FARS2: variants seen among roughly 807,000 people sequenced by gnomAD.
FARS2 encodes phenylalanyl-tRNA synthetase 2, mitochondrial, also known as phenylalanine--tRNA ligase, mitochondrial.
A neutral mutation model predicts 46.4 loss-of-function variants in FARS2; 40 were observed. The ratio of observed to expected loss-of-function variants is 0.86; its 90% confidence interval spans 0.67 to 1.12. The LOEUF is 1.12. Among genes scored for constraint, FARS2 ranks in the 50% most tolerant of loss-of-function variants. The pLI, the probability that FARS2 is intolerant of heterozygous loss-of-function variation, is 0.00. For synonymous variants in FARS2, 234 were observed against 214.9 expected, an observed-to-expected ratio of 1.09 and a Z score of -0.78; for missense variants, 513 against 567.9, an observed-to-expected ratio of 0.90 and a Z score of 0.98.
intron 1 of FARS2, among the ~76,000 whole-genome samples, chr6:5,265,125 G>A (rs961718998): frequency 1.3e-5 from 2 of 152,124 alleles, no homozygotes; most frequent in Admixed American, 1.3e-4. Context: ...CAGTTGCTGC[G>A]ATATGAGTAA....
intron 6 of FARS2, among the ~76,000 whole-genome samples, chr6:5,749,871 T>A (rs1761846163): frequency 6.6e-6 from 1 of 152,142 alleles, no homozygotes; most frequent in Non-Finnish European, 1.5e-5. Flanking sequence ...GTGTGCTGCC[T>A]CCACTCACGG....
intron 6 of FARS2, among the ~76,000 whole-genome samples, chr6:5,705,363 T>C (rs1202272038): frequency 6.6e-6 from 1 of 152,102 alleles, no homozygotes; most frequent in Non-Finnish European, 1.5e-5. Flanking sequence ...AGTGGCAGCG[T>C]GGAGGCCATG....
At chr6:5,426,041 T>C (rs1175367776) in intron 3 of FARS2, among the ~76,000 whole-genome samples, 1 of 152,158 alleles carries the variant, frequency 6.6e-6, no homozygotes, top group Non-Finnish European at 1.5e-5. Flanking sequence ...TCCTAAAGTA[T>C]ACTTTCTTTT....
intron 1 of FARS2, among the ~76,000 whole-genome samples, chr6:5,339,563 A>G (rs1181037985): frequency 6.6e-6 from 1 of 151,986 alleles, no homozygotes; most frequent in African/African-American, 2.4e-5. Flanking sequence ...AGTAGCTGGG[A>G]CCACAGGTGC....
At chr6:5,606,985 C>T (rs1444271507) in intron 5 of FARS2, among the ~76,000 whole-genome samples, 1 of 152,128 alleles carries the variant, frequency 6.6e-6, no homozygotes, top group Non-Finnish European at 1.5e-5. Context: ...AACCATCTTC[C>T]AGTGCTATTT....
At chr6:5,615,955 A>G (rs1305711763) in intron 6 of FARS2, among the ~76,000 whole-genome samples, 1 of 147,290 alleles carries the variant, frequency 6.8e-6, no homozygotes, top group East Asian at 2.1e-4. Flanking sequence ...TGCTTACTCC[A>G]TTATCAACAC....
intron 5 of FARS2, among the ~76,000 whole-genome samples, chr6:5,592,752 GT>G (rs1272845620): frequency 6.6e-6 from 1 of 152,214 alleles, no homozygotes; most frequent in Non-Finnish European, 1.5e-5. Context: ...ACCCTGCTTT[GT>G]CTCCCCTCGC....
chr6:5,419,343 A>G (rs1762414837), intron 3 of FARS2, among the ~76,000 whole-genome samples: 1 of 152,208 alleles, frequency 6.6e-6, no homozygotes, highest in Non-Finnish European at 1.5e-5. Context: ...TTGTTTCATA[A>G]AAATAATCTC....
intron 6 of FARS2, among the ~76,000 whole-genome samples, chr6:5,678,296 A>G (rs1490711502): frequency 6.6e-6 from 1 of 152,176 alleles, no homozygotes; most frequent in South Asian, 2.1e-4. Context: ...GCAGATGTCC[A>G]TGTTTTAAGG....
chr6:5,479,362 C>T (rs1161673360), intron 4 of FARS2, among the ~76,000 whole-genome samples: 2 of 152,132 alleles, frequency 1.3e-5, no homozygotes, highest in South Asian at 2.1e-4. Flanking sequence ...GTGGGAGAGG[C>T]AACATGACAT....
intron 1 of FARS2, among the ~76,000 whole-genome samples, chr6:5,316,296 T>G (rs1461253913): frequency 2.0e-5 from 3 of 152,212 alleles, no homozygotes; most frequent in African/African-American, 7.2e-5. Flanking sequence ...ACAAGGTATT[T>G]GAAACAAACA....
At chr6:5,300,457 G>T (rs1388549527) in intron 1 of FARS2, among the ~76,000 whole-genome samples, 1 of 152,068 alleles carries the variant, frequency 6.6e-6, no homozygotes, top group Non-Finnish European at 1.5e-5. Flanking sequence ...ATTTGGGTTT[G>T]ATATGGCATT....
intron 6 of FARS2, among the ~76,000 whole-genome samples, chr6:5,627,040 G>A (rs1241939980): frequency 6.6e-6 from 1 of 152,332 alleles, no homozygotes; most frequent in African/African-American, 2.4e-5. Context: ...CAGCGTAGTA[G>A]GTTTGTTCAC....
At chr6:5,761,925 C>G (rs997457043) in intron 6 of FARS2, among the ~76,000 whole-genome samples, 1 of 151,972 alleles carries the variant, frequency 6.6e-6, no homozygotes, top group East Asian at 1.9e-4. Context: ...TCACATGAGA[C>G]TCATTGCAGC....
Position 5,329,700 on chromosome 6 carries a change from G to A in FARS2, c.-21-38850G>A, listed in dbSNP as rs80150139. Among the ~76,000 whole-genome samples the A allele has an allele frequency of 2.4e-3, 366 of 152,274 alleles. 8 individuals carry two copies. In the East Asian group the frequency reaches 0.041, roughly 17 times the overall value. On this transcript the variant is annotated intron_variant, in intron 1 of 6. Transcript: ENST00000274680. ...TTGCTAGAAGGTTTCCCAGAACTCA[G>A]GAAAGCATCGTACTTACTATTAACA...
chr6:5,546,140 A>G (rs535624835), intron 5 of FARS2, among the ~76,000 whole-genome samples: 1 of 152,310 alleles, frequency 6.6e-6, no homozygotes, highest in South Asian at 2.1e-4. Context: ...AAAAAAAAGA[A>G]GTTCCTAAAT....
rs373839986 is a variant in FARS2 at position 5,422,178 on chromosome 6, C to G, written c.773-8863C>G. Among the ~76,000 whole-genome samples, 32 of 152,258 alleles carry G rather than the reference C, an allele frequency of 2.1e-4. No individual in the cohort carries two copies. The East Asian group carries it at 4.8e-3, about 23-fold the overall frequency. Reference sequence around the variant, plus strand: ...GCAGGGAAACTCCTGTTTTTAAACCCGTCAGATCTCATGAGACTTATTCAC... The same window carrying G: ...GCAGGGAAACTCCTGTTTTTAAACCGGTCAGATCTCATGAGACTTATTCAC... On this transcript the variant is annotated intron_variant, in intron 3 of 6. Coordinates refer to ENST00000274680, the MANE Select transcript of FARS2 (RefSeq NM_006567.5).
chr6:5,260,763 T>C (rs1765039519), upstream of FARS2: 2 of 1,539,080 alleles, frequency 1.3e-6, no homozygotes, highest in Middle Eastern at 1.7e-4. Context: ...AAACGGGTCC[T>C]CTTCGCCGAG....
intron 4 of FARS2, among the ~76,000 whole-genome samples, chr6:5,451,403 A>G (rs1345364719): frequency 6.6e-6 from 1 of 152,198 alleles, no homozygotes; most frequent in African/African-American, 2.4e-5. Flanking sequence ...TCCAGGAAAC[A>G]TGTTCTGCTT....
Sources: allele counts gnomAD v4.1 joint callset (sites outside exome capture counted in the v4.1 genomes callset), GRCh38; gene constraint gnomAD v4.1.1; transcripts MANE v1.5; gene names NCBI Gene and HGNC (gene_info 2026-07-23, HGNC 2026-07-21).